STIL: variants seen among roughly 807,000 people sequenced by gnomAD.
STIL encodes STIL centriolar assembly protein, also known as SCL-interrupting locus protein.
Under a neutral mutation model 110.1 loss-of-function variants are expected in STIL, and 55 were observed. The observed-to-expected ratio is 0.50, with a 90% CI of 0.40 to 0.63. The LOEUF is 0.63. Ranked by LOEUF, STIL falls within the 20% of genes least tolerant of loss-of-function variation. The pLI is 0.00. For missense variants in STIL, 1,358 were observed against 1,530.0 expected, an observed-to-expected ratio of 0.89 and a Z score of 1.87; for synonymous variants, 481 against 530.0, an observed-to-expected ratio of 0.91 and a Z score of 1.27.
At chr1:47,255,851 G>T (rs751244512) in intron 16 of STIL, among the ~76,000 whole-genome samples, 1 of 151,972 alleles carries the variant, frequency 6.6e-6, no homozygotes, top group Non-Finnish European at 1.5e-5. Flanking sequence ...TAATCTCTGC[G>T]GCATTCTATT....
At chr1:47,268,784 TAAATA>T (rs1557719287) in intron 14 of STIL, among the ~76,000 whole-genome samples, 1 of 150,508 alleles carries the variant, frequency 6.6e-6, no homozygotes, top group Admixed American at 6.6e-5. Flanking sequence ...AATAAATAAA[TAAATA>T]AATTAAATAA....
intron 13 of STIL, among the ~76,000 whole-genome samples, chr1:47,270,227 CAAAAAAAA>C (rs34842407): frequency 2.3e-4 from 20 of 87,248 alleles, no homozygotes; most frequent in African/African-American, 9.4e-4. Flanking sequence ...AACTCTGGCT[CAAAAAAAA>C]AAAAAAATAT....
chr1:47,312,731 A>C (rs1475351910), intron 1 of STIL, among the ~76,000 whole-genome samples: 1 of 152,204 alleles, frequency 6.6e-6, no homozygotes, highest in East Asian at 1.9e-4. Context: ...TTCTTATTTT[A>C]AAACAATATA....
chr1:47,278,777 G>A (rs1645061968), intron 12 of STIL, among the ~76,000 whole-genome samples: 1 of 151,596 alleles, frequency 6.6e-6, no homozygotes, highest in Non-Finnish European at 1.5e-5. Context: ...ACCAGTCTGG[G>A]CAATATAGGA....
chr1:47,305,725 CTTTTTTTTTT>C (rs71572652), intron 2 of STIL, among the ~76,000 whole-genome samples: 12 of 43,432 alleles, frequency 2.8e-4, no homozygotes, highest in Admixed American at 1.3e-3. Flanking sequence ...CACGCCTGGC[CTTTTTTTTTT>C]TTTTTTTTTT....
At position 47,251,613 on chromosome 1, in the gene STIL, T is replaced by C. The variant is rs1191742691; in HGVS notation, c.3390A>G (p.Leu1130=). 1 of 1,614,118 alleles carries C rather than the reference T, an allele frequency of 6.2e-7. No homozygotes were observed. The highest frequency in any genetic ancestry group is 2.2e-5 in the East Asian group (1 of 44,892). Residue 1130 remains leucine (L), a synonymous_variant, in exon 17 of 17, where the codon CTA becomes CTG. Coordinates refer to ENST00000371877, the MANE Select transcript of STIL (RefSeq NM_001048166.1). The stretch of plus-strand genomic sequence containing the variant: ...CATCTTCACTATTGTCACTGCTTTG[T>C]AGGAGTCCATATCTCTTCATATATT... ...TKKYMKRYGL[L]QSSDNSEDEE... is the part of the protein sequence containing the mutation.
intron 1 of STIL, among the ~76,000 whole-genome samples, chr1:47,310,750 A>G (rs1221977786): frequency 6.6e-6 from 1 of 152,174 alleles, no homozygotes; most frequent in Admixed American, 6.6e-5. Context: ...TTTGGGCTAG[A>G]TATTTATTTG....
At chr1:47,256,640 T>G (rs865987322) in intron 16 of STIL, among the ~76,000 whole-genome samples, 1 of 115,740 alleles carries the variant, frequency 8.6e-6, no homozygotes, top group Non-Finnish European at 1.8e-5. Context: ...AAAAAAAAAA[T>G]CTTGCTGAAA....
At chr1:47,274,995 C>T (rs1644946050) in intron 12 of STIL, among the ~76,000 whole-genome samples, 1 of 151,308 alleles carries the variant, frequency 6.6e-6, no homozygotes, top group Non-Finnish European at 1.5e-5. Context: ...CTACTAAAAC[C>T]ACAAAAATTA....
intron 7 of STIL, among the ~76,000 whole-genome samples, chr1:47,295,083 G>A (rs1452644222): frequency 6.6e-6 from 1 of 151,856 alleles, no homozygotes; most frequent in Non-Finnish European, 1.5e-5. Context: ...CACCATGCCT[G>A]GCTAATTTTT....
Position 47,262,927 on chromosome 1 carries a change from G to A in STIL, c.2805C>T (p.Asn935=). The stretch of plus-strand genomic sequence containing the variant: ...CCAATAAATCCTGGTAAATTTTCTG[G>A]TTATCTGATGGTTGATGAAGCAAGG... ...MQPLLHQPSD[N]QKIYQDLLGQ... Residue 935 remains asparagine (N), a synonymous_variant, in exon 15 of 17, where the codon AAC becomes AAT. Coordinates refer to ENST00000371877, the MANE Select transcript of STIL (RefSeq NM_001048166.1). 1 of 1,614,062 alleles carries A rather than the reference G, an allele frequency of 6.2e-7. No individual in the cohort carries two copies.
intron 10 of STIL, among the ~76,000 whole-genome samples, chr1:47,285,881 G>A (rs184352358): frequency 1.3e-5 from 2 of 151,524 alleles, no homozygotes; most frequent in African/African-American, 2.4e-5. Flanking sequence ...TTTTTAGGTA[G>A]GAGTTTGTTT....
intron 8 of STIL, among the ~76,000 whole-genome samples, chr1:47,292,351 G>T (rs1412862125): frequency 6.6e-6 from 1 of 152,206 alleles, no homozygotes; most frequent in Admixed American, 6.5e-5. Context: ...AGGGCAATTT[G>T]GCAATATCTA....
chr1:47,251,055 C>G lies in STIL; in HGVS notation c.*81G>C, dbSNP rs1644168332. The stretch of plus-strand genomic sequence containing the variant: ...ACAGTGACTCCAGAATGATCAGGAG[C>G]CTTGTGGTAGGCTCCTGTTTTCCCT... On this transcript the variant is annotated 3_prime_UTR_variant, in exon 17 of 17. Transcript: ENST00000371877. 3.3e-5 allele frequency: 45 copies of G among 1,377,890 alleles called. No individual in the cohort carries two copies. In the South Asian group the frequency reaches 5.6e-4, roughly 17 times the overall value. The allele number at this position is 1,377,890 out of a possible 1,614,324, so 85.4% of individuals were successfully genotyped here.
rs1644167989 is a variant in STIL at position 47,251,034 on chromosome 1, T to C, written c.*102A>G. The C allele has an allele frequency of 1.7e-6, 2 of 1,171,006 alleles. No individual in the cohort carries two copies. Among genetic ancestry groups the C allele is most frequent in the Non-Finnish European group, 2.4e-6 (2 of 835,152 alleles). 72.5% of individuals were successfully genotyped at this position (1,171,006 alleles called of 1,614,324 possible). On this transcript the variant is annotated 3_prime_UTR_variant, in exon 17 of 17. Coordinates refer to ENST00000371877, the MANE Select transcript of STIL (RefSeq NM_001048166.1). ...CCAATTGGCTGCTACCAAGAAACAG[T>C]GACTCCAGAATGATCAGGAGCCTTG... is the stretch of plus-strand genomic sequence containing the variant.
intron 9 of STIL, among the ~76,000 whole-genome samples, chr1:47,289,070 A>AAC (rs1645396073): frequency 6.7e-6 from 1 of 149,736 alleles, no homozygotes; most frequent in Non-Finnish European, 1.5e-5. Flanking sequence ...TCAAAAAAAA[A>AAC]AAAAAAAAAA....
Position 47,301,517 on chromosome 1 carries a change from G to C in STIL, c.453+44C>G, listed in dbSNP as rs1166177662. ...AAATACAGCATACTAAACATAGTTT[G>C]ATTCTTGTGTTGAATTAACTATCAA... is the stretch of plus-strand genomic sequence containing the variant. On this transcript the variant is annotated intron_variant, in intron 5 of 16. Coordinates refer to ENST00000371877, the MANE Select transcript of STIL (RefSeq NM_001048166.1). 4 of 1,527,272 alleles carry C rather than the reference G, an allele frequency of 2.6e-6. No individual in the cohort carries two copies. The East Asian group carries it at 9.0e-5, about 34-fold the overall frequency. 94.6% of individuals were successfully genotyped at this position (1,527,272 alleles called of 1,614,324 possible).
intron 14 of STIL, among the ~76,000 whole-genome samples, chr1:47,267,615 G>A (rs1046921840): frequency 6.2e-5 from 9 of 145,878 alleles, no homozygotes; most frequent in African/African-American, 2.3e-4. Context: ...TGAGGTTGCA[G>A]TGAGCCAAGA....
intron 16 of STIL, among the ~76,000 whole-genome samples, chr1:47,257,035 C>T (rs545112371): frequency 6.6e-6 from 1 of 151,938 alleles, no homozygotes; most frequent in Non-Finnish European, 1.5e-5. Flanking sequence ...AAAGAGGTGA[C>T]ATTTGAGTTC....
Sources: gnomAD v4.1 joint callset for allele counts (sites outside exome capture counted in the v4.1 genomes callset) on GRCh38, gnomAD v4.1.1 for gene constraint, MANE v1.5 for transcripts, NCBI Gene and HGNC (gene_info 2026-07-23, HGNC 2026-07-21) for gene names.